Variants in GMFG observed in about 807,000 individuals in gnomAD.
GMFG encodes the protein glia maturation factor gamma.
In GMFG, 21 loss-of-function variants were observed where a neutral mutation model predicts 26.1. The ratio of observed to expected loss-of-function variants is 0.80; its 90% CI spans 0.57 to 1.16. GMFG has a LOEUF of 1.16. Among genes scored for constraint, GMFG ranks in the 50% most tolerant of loss-of-function variants. GMFG has a pLI of 0.00. For missense variants in GMFG, 161 were observed against 178.3 expected (o/e 0.90, Z 0.55); for synonymous variants, 65 against 60.8 (o/e 1.07, Z -0.32).
At chr19:39,332,843 G>C in intron 4 of GMFG, 1 of 301,452 alleles carries the variant, frequency 3.3e-6, no homozygotes. Context: ...ATTTTTAGTA[G>C]AGACGGGATT....
At chr19:39,330,387 T>G (rs905716380) in intron 4 of GMFG, among the ~76,000 whole-genome samples, 1 of 152,070 alleles carries the variant, frequency 6.6e-6, no homozygotes, top group Non-Finnish European at 1.5e-5. Context: ...GAAAATTGTT[T>G]TCCTTTCTTT....
chr19:39,334,015 G>GT (rs1371335514), intron 3 of GMFG, among the ~76,000 whole-genome samples: 1 of 134,298 alleles, frequency 7.4e-6, no homozygotes, highest in Non-Finnish European at 1.6e-5. Flanking sequence ...TAGAGATGGA[G>GT]TCTTTTTTTT....
intron 4 of GMFG, among the ~76,000 whole-genome samples, chr19:39,331,348 A>G (rs558076603): frequency 1.3e-5 from 2 of 152,306 alleles, no homozygotes; most frequent in Non-Finnish European, 2.9e-5. Flanking sequence ...ACAGAAATTC[A>G]AAGATAAAAC....
intron 3 of GMFG, among the ~76,000 whole-genome samples, chr19:39,334,410 G>A (rs1283612687): frequency 6.6e-6 from 1 of 151,974 alleles, no homozygotes; most frequent in African/African-American, 2.4e-5. Flanking sequence ...TGAGATCACA[G>A]GTGCACACCA....
intron 4 of GMFG, 82 bp from the exon 5 acceptor site, chr19:39,329,708 A>G: frequency 1.1e-6 from 1 of 870,856 alleles, no homozygotes; most frequent in South Asian, 1.4e-5. Context: ...ACAGCCTTGA[A>G]ATGTTGGCTG....
chr19:39,330,384 G>A (rs1279686391), intron 4 of GMFG, among the ~76,000 whole-genome samples: 3 of 151,942 alleles, frequency 2.0e-5, no homozygotes, highest in African/African-American at 4.8e-5. Context: ...CAGGAAAATT[G>A]TTTTCCTTTC....
intron 6 of GMFG, 44 bp from the exon 7 acceptor site, chr19:39,328,592 G>C: frequency 1.4e-6 from 2 of 1,452,416 alleles, no homozygotes; most frequent in Non-Finnish European, 1.9e-6. Context: ...CTCAAACACT[G>C]AGACAGTGGC....
chr19:39,333,071 G>A lies in GMFG; in HGVS notation c.200+6C>T, dbSNP rs369173001. 1.3e-5 allele frequency: 21 copies of A among 1,595,506 alleles called. 1 individual carries two copies. The African/African-American group carries it at 2.1e-4, about 16-fold the overall frequency. On this transcript the variant is annotated splice_donor_region_variant and intron_variant, in intron 4 of 6. Transcript: ENST00000597595. ...CCTGATCCAACCCTTTCTTCCCCCA[G>A]GATACCTGGGCTGTCTCTCCGGCAA...
chr19:39,328,988 C>A lies in GMFG; in HGVS notation c.357+12G>T. The A allele has an allele frequency of 6.3e-7, 1 of 1,596,472 alleles. No homozygotes were observed. The highest frequency in any genetic ancestry group is 1.1e-5 in the South Asian group (1 of 90,726). ...TCTCCCTAACACTCTGGAGCCCCATCCCAGTCTGAACCTTTGTGAGCTCTG... is the reference window on the plus strand; with the variant it reads ...TCTCCCTAACACTCTGGAGCCCCATACCAGTCTGAACCTTTGTGAGCTCTG... On this transcript the variant is annotated intron_variant, in intron 6 of 6. Coordinates refer to ENST00000597595, the MANE Select transcript of GMFG (RefSeq NM_004877.4).
intron 1 of GMFG, among the ~76,000 whole-genome samples, 179 bp from the exon 2 acceptor site, chr19:39,335,710 G>C (rs2075246892): frequency 6.6e-6 from 1 of 152,214 alleles, no homozygotes; most frequent in South Asian, 2.1e-4. Context: ...AGGGCACTCA[G>C]CTTGGGGGGC....
intron 4 of GMFG, among the ~76,000 whole-genome samples, chr19:39,332,333 C>CA (rs575743761): frequency 0.012 from 1,393 of 115,448 alleles, 16 homozygotes; most frequent in East Asian, 0.027. Flanking sequence ...CTGTCTCTAA[C>CA]AAAAAAAAAA....
At position 39,333,858 on chromosome 19, in the gene GMFG, TGA is replaced by T. The variant is rs531425396; in HGVS notation, c.151-734_151-733del. Reference sequence around the variant, plus strand: ...TCACTATACTGCCTTTCAGAGGGCCTGAGAGAGCCCCAGCCCCCAGTCTCCAT... The same window carrying T: ...TCACTATACTGCCTTTCAGAGGGCCTGAGAGCCCCAGCCCCCAGTCTCCAT... On this transcript the variant is annotated intron_variant, in intron 3 of 6. Coordinates refer to ENST00000597595, the MANE Select transcript of GMFG (RefSeq NM_004877.4). Among the ~76,000 whole-genome samples, 819 of 152,226 alleles carry T rather than the reference TGA, an allele frequency of 5.4e-3. 7 individuals are homozygous for T. The highest frequency in any genetic ancestry group is 9.9e-3 in the Non-Finnish European group (671 of 68,018).
intron 3 of GMFG, among the ~76,000 whole-genome samples, chr19:39,334,108 C>T (rs571301439): frequency 1.7e-4 from 25 of 151,070 alleles, no homozygotes; most frequent in Admixed American, 3.3e-4. Context: ...GCTCCGCCTC[C>T]GGGGTTCACG....
In GMFG at chr19:39,335,491, G is replaced by T. The variant is rs1801733; in HGVS notation, c.44C>A (p.Thr15Lys). 3.1e-3 allele frequency: 4,933 copies of T among 1,613,924 alleles called. 111 individuals carry two copies. The African/African-American group carries it at 0.05, about 16-fold the overall frequency. Residue 15 changes from threonine to lysine, a missense_variant, in exon 2 of 7, where the codon ACA (threonine) becomes AAA (lysine). Thr to Lys is a moderately conservative substitution (Grantham distance 78). Transcript: ENST00000597595. Reference protein sequence around the residue: ...LVVCEVDPELTEKLRKFRFRK... With the variant: ...LVVCEVDPELKEKLRKFRFRK... ...GAAGCGGAATTTCCTCAGCTTTTCT[G>T]TTAGCTCTGGGTCTACCTCGCACAC... is the stretch of plus-strand genomic sequence containing the variant.
At chr19:39,335,875 G>A (rs1380049177) in intron 1 of GMFG, 99 bp downstream of exon 1, 7 of 842,558 alleles carry the variant, frequency 8.3e-6, no homozygotes, top group Non-Finnish European at 1.2e-5. Flanking sequence ...TTCCCGGCCC[G>A]TGACCTCCAT....
chr19:39,328,888 A>AG (rs1229754101), intron 6 of GMFG, 112 bp downstream of exon 6: 1 of 848,126 alleles, frequency 1.2e-6, no homozygotes, highest in African/African-American at 1.8e-5. Flanking sequence ...TTAAAAAAAC[A>AG]AAAACAAAAA....
chr19:39,333,581 CA>C (rs750367671), intron 3 of GMFG, among the ~76,000 whole-genome samples: 2,259 of 47,352 alleles, frequency 0.048, 47 homozygotes, highest in African/African-American at 0.13. Context: ...AACTCCGTCT[CA>C]AAAAAAAAAA....
intron 4 of GMFG, among the ~76,000 whole-genome samples, chr19:39,332,686 T>C (rs1600492465): frequency 8.4e-6 from 1 of 118,944 alleles, no homozygotes; most frequent in Non-Finnish European, 1.6e-5. Flanking sequence ...TGAGATAGAG[T>C]CTCGCTGTGT....
intron 6 of GMFG, 135 bp from the exon 7 acceptor site, chr19:39,328,683 A>T: frequency 1.5e-6 from 1 of 677,826 alleles, no homozygotes; most frequent in Non-Finnish European, 2.7e-6. Context: ...GTTCGAGACC[A>T]GCCTGGCCAA....
Sources: gnomAD v4.1 joint callset for allele counts (sites outside exome capture counted in the v4.1 genomes callset) on GRCh38, gnomAD v4.1.1 for gene constraint, MANE v1.5 for transcripts, NCBI Gene and HGNC (gene_info 2026-07-23, HGNC 2026-07-21) for gene names.